ZZEF1: variants seen among roughly 807,000 people sequenced by gnomAD.
The protein encoded by ZZEF1 is zinc finger ZZ-type and EF-hand domain containing 1.
ZZEF1 carries 157 observed loss-of-function variants against 342.8 expected under a neutral mutation model. The ratio of observed to expected loss-of-function variants is 0.46; its 90% CI spans 0.40 to 0.52. The LOEUF (loss-of-function observed/expected upper bound fraction) is 0.52. Among genes scored for constraint, ZZEF1 ranks in the 20% least tolerant of loss-of-function variants. The pLI, the probability that ZZEF1 is intolerant of heterozygous loss-of-function variation, is 0.00. For missense variants in ZZEF1, 3,480 were observed against 3,725.6 expected, an observed-to-expected ratio of 0.93 and a Z score of 1.72; for synonymous variants, 1,505 against 1,429.1, an observed-to-expected ratio of 1.05 and a Z score of -1.20.
At chr17:4,042,672 G>A (rs1244779477) in intron 38 of ZZEF1, 104 bp from the exon 39 acceptor site, 2 of 1,217,980 alleles carry the variant, frequency 1.6e-6, no homozygotes, top group East Asian at 2.6e-5. Flanking sequence ...AATAAAGCTG[G>A]GATTTTATTC....
At position 4,051,937 on chromosome 17, in the gene ZZEF1, A is replaced by G. The variant is rs200708101; in HGVS notation, c.5600+34T>C. The G allele has an allele frequency of 8.0e-4, 1,264 of 1,579,700 alleles. 3 individuals carry two copies. Among genetic ancestry groups the G allele is most frequent in the Non-Finnish European group, 9.9e-4 (1,155 of 1,161,144 alleles). On this transcript the variant is annotated intron_variant, in intron 35 of 54. Coordinates refer to ENST00000381638, the MANE Select transcript of ZZEF1 (RefSeq NM_015113.4). ...TTTCAAGTGAAGGAACGTGTAAATAAAAGGCTTGGTGGCGACGGTCACTTG... is the reference window on the plus strand; with the variant it reads ...TTTCAAGTGAAGGAACGTGTAAATAGAAGGCTTGGTGGCGACGGTCACTTG...
chr17:4,101,110 G>A (rs1289708000), intron 9 of ZZEF1, among the ~76,000 whole-genome samples: 10 of 152,184 alleles, frequency 6.6e-5, no homozygotes, highest in Admixed American at 2.6e-4. Context: ...CACAGGCTGA[G>A]CTGCTCAGGG....
At chr17:4,009,574 C>T (rs777377869) in intron 53 of ZZEF1, 30 bp downstream of exon 53, 121 of 1,611,070 alleles carry the variant, frequency 7.5e-5, no homozygotes, top group Non-Finnish European at 9.7e-5. Flanking sequence ...ATGGAGGCAC[C>T]GGGCTCCCTG....
chr17:4,034,096 G>A lies in ZZEF1; in HGVS notation c.6503C>T (p.Ala2168Val), dbSNP rs966740016. Residue 2168 changes from alanine (A) to valine (V), a missense_variant, in exon 40 of 55, where the codon GCT (alanine) becomes GTT (valine). Physicochemically the swap from Ala to Val is moderately conservative, Grantham distance 64 (BLOSUM62 0). Transcript: ENST00000381638. ...KVLSAKHNLFAAGDSSIVPDG... is the reference protein window; with the variant it reads ...KVLSAKHNLFVAGDSSIVPDG... Reference sequence around the variant, plus strand: ...TGGCACAATGGAACTGTCCCCTGCAGCAAACAGGTTGTGTTTGGCTGAGAG... The same window carrying A: ...TGGCACAATGGAACTGTCCCCTGCAACAAACAGGTTGTGTTTGGCTGAGAG... The A allele has an allele frequency of 1.9e-6, 3 of 1,614,222 alleles. No individual in the cohort carries two copies. The highest frequency in any genetic ancestry group is 2.5e-6 in the Non-Finnish European group (3 of 1,180,050).
At chr17:4,059,414 TAAGTA>T in intron 30 of ZZEF1, 124 bp from the exon 31 acceptor site, 1 of 1,200,420 alleles carries the variant, frequency 8.3e-7, no homozygotes, top group South Asian at 1.5e-5. Flanking sequence ...CACAGGAACT[TAAGTA>T]AATACAAATA....
intron 1 of ZZEF1, among the ~76,000 whole-genome samples, chr17:4,139,681 C>T (rs923096387): frequency 1.3e-5 from 2 of 152,204 alleles, no homozygotes; most frequent in Admixed American, 1.3e-4. Flanking sequence ...GACAGAGCAG[C>T]CATCACAAGA....
chr17:4,077,362 G>T (rs1420076349), intron 19 of ZZEF1, among the ~76,000 whole-genome samples: 1 of 152,138 alleles, frequency 6.6e-6, no homozygotes, highest in Non-Finnish European at 1.5e-5. Context: ...CCCAATATAA[G>T]TGTTTTCGTC....
At chr17:4,093,393 A>G (rs2057979811) in intron 11 of ZZEF1, among the ~76,000 whole-genome samples, 1 of 152,240 alleles carries the variant, frequency 6.6e-6, no homozygotes, top group Non-Finnish European at 1.5e-5. Context: ...ACAAATGTGG[A>G]TTTCAACTGA....
intron 37 of ZZEF1, among the ~76,000 whole-genome samples, chr17:4,048,545 G>A (rs969379453): frequency 1.3e-5 from 2 of 152,156 alleles, no homozygotes; most frequent in African/African-American, 4.8e-5. Context: ...AATCTTTAGT[G>A]CCACTATCAC....
chr17:4,117,718 G>A (rs1027256278), intron 2 of ZZEF1, among the ~76,000 whole-genome samples: 3 of 148,822 alleles, frequency 2.0e-5, no homozygotes, highest in East Asian at 2.0e-4. Flanking sequence ...TTAGAATAAC[G>A]ATTTTTTGTT....
At chr17:4,059,147 A>G (rs758250051) in intron 31 of ZZEF1, 24 bp downstream of exon 31, 5 of 1,535,824 alleles carry the variant, frequency 3.3e-6, no homozygotes, top group Non-Finnish European at 8.7e-7. Context: ...TTTTTTCTCT[A>G]GAAATGATAA....
At chr17:4,105,850 G>A (rs1189912986) in intron 6 of ZZEF1, 41 bp from the exon 7 acceptor site, 1 of 1,515,796 alleles carries the variant, frequency 6.6e-7, no homozygotes, top group Non-Finnish European at 9.0e-7. Flanking sequence ...AACAAAACCA[G>A]ACCGAATTTA....
chr17:4,116,957 C>T lies in ZZEF1; in HGVS notation c.694+15G>A. On this transcript the variant is annotated intron_variant, in intron 3 of 54. Transcript: ENST00000381638. Reference sequence around the variant, plus strand: ...TGATCAGAGTATTTTCAGGAGAACCCCCACACACACATACCCTTTTCCTTT... The same window carrying T: ...TGATCAGAGTATTTTCAGGAGAACCTCCACACACACATACCCTTTTCCTTT... 4 of 1,571,192 alleles carry T rather than the reference C, an allele frequency of 2.5e-6. No homozygotes were observed. The highest frequency in any genetic ancestry group is 3.5e-6 in the Non-Finnish European group (4 of 1,153,298).
At chr17:4,058,795 G>A (rs2057223422) in intron 31 of ZZEF1, among the ~76,000 whole-genome samples, 1 of 152,174 alleles carries the variant, frequency 6.6e-6, no homozygotes, top group Non-Finnish European at 1.5e-5. Context: ...TAGATCAATT[G>A]AGCCTGGGAG....
intron 3 of ZZEF1, among the ~76,000 whole-genome samples, chr17:4,114,681 T>TA (rs1433442649): frequency 6.6e-6 from 1 of 152,194 alleles, no homozygotes; most frequent in African/African-American, 2.4e-5. Flanking sequence ...CTCAAACTGT[T>TA]ACGTCATTGG....
At chr17:4,116,554 G>T (rs149108327) in intron 3 of ZZEF1, among the ~76,000 whole-genome samples, 116 of 152,308 alleles carry the variant, frequency 7.6e-4, no homozygotes, top group African/African-American at 2.7e-3. Context: ...CATTTATCCA[G>T]CAAATACTCA....
chr17:4,033,041 C>T, intron 40 of ZZEF1, 39 bp from the exon 41 acceptor site: 2 of 1,528,392 alleles, frequency 1.3e-6, no homozygotes, highest in Non-Finnish European at 1.8e-6. Flanking sequence ...GTACACAGGG[C>T]TCCAAACTCA....
intron 37 of ZZEF1, among the ~76,000 whole-genome samples, chr17:4,047,454 G>A (rs2056943332): frequency 1.3e-5 from 2 of 152,038 alleles, no homozygotes; most frequent in South Asian, 4.2e-4. Flanking sequence ...AGACCAACCG[G>A]GTAACATGGC....
At position 4,114,416 on chromosome 17, in the gene ZZEF1, G is replaced by C. The variant is rs368454250; in HGVS notation, c.749C>G (p.Ala250Gly). The C allele has an allele frequency of 1.2e-6, 2 of 1,609,178 alleles. No individual in the cohort carries two copies. The highest frequency in any genetic ancestry group is 1.3e-5 in the African/African-American group (1 of 74,720). The change falls in exon 4 of 55, where the codon GCA becomes GGA. Residue 250 changes from alanine to glycine, a missense_variant. This residue lies in a region of ZZEF1 where 416 missense variants were observed against 374.2 expected (regional missense o/e 1.11). Coordinates refer to ENST00000381638, the MANE Select transcript of ZZEF1 (RefSeq NM_015113.4). The stretch of plus-strand genomic sequence containing the variant: ...TGTTTCTATATAAGCATAGCACTTT[G>C]CTACTGACTTGAGTTTATCCATCTC... ...SPEMDKLKSV[A>G]KCYAYIETSS... is the part of the protein sequence containing the mutation.
Sources: gnomAD v4.1 joint callset for allele counts (sites outside exome capture counted in the v4.1 genomes callset) on GRCh38, gnomAD v4.1.1 for gene constraint, gnomAD v4.1.1 regional missense constraint, MANE v1.5 for transcripts, NCBI Gene and HGNC (gene_info 2026-07-23, HGNC 2026-07-21) for gene names.